Variants in AIG1 observed in about 807,000 individuals in gnomAD.
The protein encoded by AIG1 is androgen-induced gene 1 protein.
Under a neutral mutation model 31.4 loss-of-function variants are expected in AIG1, and 23 were observed. That is an observed-to-expected ratio of 0.73 (90% CI 0.53 to 1.04). AIG1 has a LOEUF of 1.04. AIG1 is among the 50% of genes least tolerant of loss of function. AIG1 has a pLI of 0.00. For missense variants in AIG1, 274 were observed against 295.0 expected (o/e 0.93, Z 0.52); for synonymous variants, 100 against 110.5 (o/e 0.90, Z 0.60).
At chr6:143,220,148 G>A (rs138095519) in intron 3 of AIG1, among the ~76,000 whole-genome samples, 31 of 152,264 alleles carry the variant, frequency 2.0e-4, no homozygotes, top group African/African-American at 7.2e-4. Context: ...GCTGGAGCTT[G>A]TCAAAGCTGG....
intron 2 of AIG1, among the ~76,000 whole-genome samples, chr6:143,139,584 C>T (rs1784082974): frequency 6.6e-6 from 1 of 152,070 alleles, no homozygotes; most frequent in South Asian, 2.1e-4. Flanking sequence ...ATCCCTGTTA[C>T]TGTGAGTCAC....
At chr6:143,294,424 T>C (rs1798281365) in intron 4 of AIG1, among the ~76,000 whole-genome samples, 1 of 152,222 alleles carries the variant, frequency 6.6e-6, no homozygotes, top group Non-Finnish European at 1.5e-5. Context: ...TGAGCCAGAC[T>C]GCCTAAGCCT....
At chr6:143,168,116 C>A (rs529482613) in intron 3 of AIG1, among the ~76,000 whole-genome samples, 15 of 151,888 alleles carry the variant, frequency 9.9e-5, no homozygotes, top group African/African-American at 3.4e-4. Flanking sequence ...AATAAATGAG[C>A]ATTTTCTTGT....
chr6:143,308,017 G>C (rs527676700), intron 4 of AIG1, among the ~76,000 whole-genome samples: 2 of 152,226 alleles, frequency 1.3e-5, no homozygotes, highest in South Asian at 4.1e-4. Flanking sequence ...AGCCATGTGC[G>C]GGATATAATC....
At chr6:143,169,786 C>G (rs1787316794) in intron 3 of AIG1, among the ~76,000 whole-genome samples, 3 of 151,966 alleles carry the variant, frequency 2.0e-5, no homozygotes, top group Admixed American at 6.6e-5. Flanking sequence ...TCCATCTATA[C>G]CTAATTTGTT....
upstream of AIG1, among the ~76,000 whole-genome samples, chr6:143,059,271 T>C (rs2128452540): frequency 6.6e-6 from 1 of 152,298 alleles, no homozygotes; most frequent in Admixed American, 6.5e-5. Flanking sequence ...CTCTTCACAA[T>C]AAACCTTGCT....
Position 143,268,321 on chromosome 6 carries a change from C to T in AIG1, c.400-15789C>T, listed in dbSNP as rs576383317. ...GAATTAGCACTTGGTATTGTCTGTA[C>T]GACTGGCATTGTTCCCTGAGCCTCG... On this transcript the variant is annotated intron_variant, in intron 3 of 5. Transcript: ENST00000357847. The surrounding 1 kb of genome is among the most constrained non-coding windows in gnomAD (Gnocchi z 5.0). Among the ~76,000 whole-genome samples the T allele has an allele frequency of 5.9e-5, 9 of 152,192 alleles. No homozygotes were observed. Among genetic ancestry groups the T allele is most frequent in the South Asian group, 2.1e-4 (1 of 4,812 alleles).
At chr6:143,309,127 A>G (rs1775055091) in intron 4 of AIG1, among the ~76,000 whole-genome samples, 1 of 152,022 alleles carries the variant, frequency 6.6e-6, no homozygotes, top group South Asian at 2.1e-4. Context: ...GGAGTAAAAT[A>G]TTAAAAGTAT....
chr6:143,319,075 T>C lies in AIG1; in HGVS notation c.516-14207T>C, dbSNP rs567373476. Among the ~76,000 whole-genome samples, 12 of 152,250 alleles carry C rather than the reference T, an allele frequency of 7.9e-5. No homozygotes were observed. In the South Asian group the frequency reaches 2.5e-3, roughly 32 times the overall value. ...TATGGAAAACAGTGTGGAGATTCTT[T>C]AAAGAACTAAAAGTAGATCTACCAT... On this transcript the variant is annotated intron_variant, in intron 4 of 5. Transcript: ENST00000357847.
At chr6:143,179,860 C>G (rs1180049986) in intron 3 of AIG1, among the ~76,000 whole-genome samples, 1 of 152,190 alleles carries the variant, frequency 6.6e-6, no homozygotes, top group Non-Finnish European at 1.5e-5. Flanking sequence ...TTAAATGGAG[C>G]TGGCTCAATA....
At chr6:143,123,385 A>G (rs1041388901) in intron 1 of AIG1, among the ~76,000 whole-genome samples, 2 of 152,186 alleles carry the variant, frequency 1.3e-5, no homozygotes, top group Non-Finnish European at 2.9e-5. Flanking sequence ...CTGAGAATAG[A>G]TTGAGATAGA....
At chr6:143,241,476 A>C (rs903848031) in intron 3 of AIG1, among the ~76,000 whole-genome samples, 1 of 152,230 alleles carries the variant, frequency 6.6e-6, no homozygotes, top group African/African-American at 2.4e-5. Flanking sequence ...ACAGAAAGAA[A>C]GTAGCTAGGG....
intron 3 of AIG1, among the ~76,000 whole-genome samples, chr6:143,203,536 C>T (rs1169920812): frequency 6.6e-6 from 1 of 152,182 alleles, no homozygotes; most frequent in Non-Finnish European, 1.5e-5. Flanking sequence ...ATCTCTACTA[C>T]CAGTGCCTAA....
At chr6:143,312,234 A>G (rs1307466569) in intron 4 of AIG1, among the ~76,000 whole-genome samples, 2 of 152,182 alleles carry the variant, frequency 1.3e-5, no homozygotes, top group African/African-American at 2.4e-5. Context: ...TGAAACTACA[A>G]AAGACCCAGA....
At chr6:143,310,659 G>A (rs1775190872) in intron 4 of AIG1, among the ~76,000 whole-genome samples, 1 of 150,638 alleles carries the variant, frequency 6.6e-6, no homozygotes, top group Non-Finnish European at 1.5e-5. Flanking sequence ...AAAAGCCAAG[G>A]CTGATTATTG....
rs141375344 is a variant in AIG1 at position 143,297,436 on chromosome 6, G to T, written c.515+13211G>T. On this transcript the variant is annotated intron_variant, in intron 4 of 5. Transcript: ENST00000357847. The surrounding 1 kb of genome is among the most constrained non-coding windows in gnomAD (Gnocchi z 5.1). ...TTCTTTGACTGGTTATTTCATGATT[G>T]GGTGGGTGGTTATTTAGATGATTGG... Among the ~76,000 whole-genome samples, 1 of 152,124 alleles carries T rather than the reference G, an allele frequency of 6.6e-6. No individual in the cohort carries two copies. The highest frequency in any genetic ancestry group is 2.4e-5 in the African/African-American group (1 of 41,418).
intron 3 of AIG1, among the ~76,000 whole-genome samples, chr6:143,250,811 T>C (rs1017423288): frequency 3.3e-5 from 5 of 152,208 alleles, no homozygotes; most frequent in Admixed American, 6.5e-5. Flanking sequence ...TAAAATATTA[T>C]GACGGGTTGT....
Position 143,299,468 on chromosome 6 carries a change from A to G in AIG1, c.515+15243A>G, listed in dbSNP as rs139844100. 6.6e-6 allele frequency: 1 copy of G among 152,184 alleles called. No homozygotes were observed. Among genetic ancestry groups the G allele is most frequent in the African/African-American group, 2.4e-5 (1 of 41,444 alleles). 9.4% of individuals were successfully genotyped at this position (152,184 alleles called of 1,614,324 possible). On this transcript the variant is annotated intron_variant, in intron 4 of 5. Transcript: ENST00000357847. This position sits in a 1 kb window ranked among gnomAD's most constrained non-coding sequence, Gnocchi z 4.1. ...CAGCATGGCTGGAATAGCAGTACACATAGCTGGGCTACTGAAGGTGTCAAA... is the reference window on the plus strand; with the variant it reads ...CAGCATGGCTGGAATAGCAGTACACGTAGCTGGGCTACTGAAGGTGTCAAA...
chr6:143,254,264 T>C (rs74827214), intron 3 of AIG1, among the ~76,000 whole-genome samples: 1 of 152,350 alleles, frequency 6.6e-6, no homozygotes, highest in East Asian at 1.9e-4. Flanking sequence ...TGCTTGATTC[T>C]CAGTTGTACT....
Sources: gnomAD v4.1 joint callset for allele counts (sites outside exome capture counted in the v4.1 genomes callset) on GRCh38, gnomAD v4.1.1 for gene constraint, Gnocchi (gnomAD v3.1) non-coding constraint, MANE v1.5 for transcripts, NCBI Gene and HGNC (gene_info 2026-07-23, HGNC 2026-07-21) for gene names.